Variants in ESRRG observed in about 807,000 individuals in gnomAD.
ESRRG encodes the protein estrogen related receptor gamma.
Under a neutral mutation model 44.0 loss-of-function variants are expected in ESRRG, and 13 were observed. The ratio of observed to expected loss-of-function variants is 0.30; its 90% CI spans 0.19 to 0.47. The LOEUF is 0.47. ESRRG is among the 20% of genes least tolerant of loss of function. The pLI is 1.00. For synonymous variants in ESRRG, 215 were observed against 214.6 expected (o/e 1.00, Z -0.02); for missense variants, 395 against 580.6 (o/e 0.68, Z 3.29).
intron 1 of ESRRG, among the ~76,000 whole-genome samples, chr1:217,118,636 T>C (rs535983851): frequency 2.7e-4 from 41 of 152,158 alleles, no homozygotes; most frequent in Non-Finnish European, 5.0e-4. Context: ...GAAAAATACA[T>C]TTTTTGGCCT....
At chr1:217,031,887 C>A (rs1195380522) in intron 1 of ESRRG, among the ~76,000 whole-genome samples, 1 of 152,186 alleles carries the variant, frequency 6.6e-6, no homozygotes. Flanking sequence ...GCCCCCCAAG[C>A]CCTGTGGAAA....
intron 1 of ESRRG, among the ~76,000 whole-genome samples, chr1:216,693,339 C>A (rs2079454887): frequency 6.6e-6 from 1 of 152,092 alleles, no homozygotes; most frequent in South Asian, 2.1e-4. Flanking sequence ...GCGATGTTGG[C>A]CAGGTTGGTC....
chr1:216,945,283 A>G (rs538001594), intron 1 of ESRRG, among the ~76,000 whole-genome samples: 6 of 152,156 alleles, frequency 3.9e-5, no homozygotes, highest in Non-Finnish European at 8.8e-5. Flanking sequence ...CATTTGCTCA[A>G]TCAGTACCTA....
chr1:216,558,697 G>A (rs867710416), intron 5 of ESRRG, among the ~76,000 whole-genome samples: 1 of 151,858 alleles, frequency 6.6e-6, no homozygotes, highest in African/African-American at 2.4e-5. Context: ...GAGTAATTAA[G>A]TAACTTACAA....
At position 217,075,592 on chromosome 1, in the gene ESRRG, C is replaced by CCG. The variant is rs1553275038; in HGVS notation, c.-106+13914_-106+13915insCG. On this transcript the variant is annotated intron_variant, in intron 1 of 7. Coordinates refer to the ESRRG transcript ENST00000359162. ...CACTCGCTTCAAATTGCTCCTTTCCCCCCCCCAACATTAATTACTAGAGTC... is the reference window on the plus strand; with the variant it reads ...CACTCGCTTCAAATTGCTCCTTTCCCCGCCCCCCAACATTAATTACTAGAGTC... Among the ~76,000 whole-genome samples, 10 of 147,624 alleles carry CCG rather than the reference C, an allele frequency of 6.8e-5. 1 individual carries two copies. The East Asian group carries it at 1.8e-3, about 27-fold the overall frequency.
intron 1 of ESRRG, among the ~76,000 whole-genome samples, chr1:217,031,105 C>T (rs2082000566): frequency 6.6e-6 from 1 of 152,148 alleles, no homozygotes; most frequent in Non-Finnish European, 1.5e-5. Context: ...TTGATATATC[C>T]TGAAAGCTAA....
intron 1 of ESRRG, among the ~76,000 whole-genome samples, chr1:217,028,122 C>T (rs542887064): frequency 3.5e-4 from 53 of 152,274 alleles, no homozygotes; most frequent in African/African-American, 1.2e-3. Flanking sequence ...CCCACCCCAT[C>T]ACCTCCACAG....
intron 1 of ESRRG, among the ~76,000 whole-genome samples, chr1:217,075,486 G>C (rs955580824): frequency 6.6e-6 from 1 of 151,798 alleles, no homozygotes; most frequent in Non-Finnish European, 1.5e-5. Context: ...TTTCAGCTTG[G>C]AGAATCAAGG....
intron 2 of ESRRG, among the ~76,000 whole-genome samples, chr1:216,839,035 C>T (rs978421016): frequency 7.2e-5 from 11 of 152,088 alleles, no homozygotes; most frequent in Admixed American, 2.6e-4. Flanking sequence ...TTATCCTGCA[C>T]GCAGGGTAAA....
At chr1:216,689,292 T>C (rs1248799903) in intron 1 of ESRRG, among the ~76,000 whole-genome samples, 1 of 152,134 alleles carries the variant, frequency 6.6e-6, no homozygotes, top group Non-Finnish European at 1.5e-5. Flanking sequence ...TGAGTTTTGA[T>C]TACACATTTA....
intron 3 of ESRRG, among the ~76,000 whole-genome samples, chr1:216,629,399 G>A (rs1449948636): frequency 6.6e-6 from 1 of 152,102 alleles, no homozygotes; most frequent in Non-Finnish European, 1.5e-5. Context: ...GGTTTATATG[G>A]ATATAAGACA....
At chr1:216,807,739 A>C (rs1285685726) in intron 2 of ESRRG, among the ~76,000 whole-genome samples, 1 of 151,996 alleles carries the variant, frequency 6.6e-6, no homozygotes, top group Admixed American at 6.6e-5. Context: ...CATGAATTGT[A>C]ATTATGGTCT....
chr1:217,127,674 A>G (rs927232368), intron 1 of ESRRG, among the ~76,000 whole-genome samples: 14 of 152,302 alleles, frequency 9.2e-5, no homozygotes, highest in South Asian at 2.1e-4. Context: ...CATCAGCTGT[A>G]TGACCTCGGG....
intron 2 of ESRRG, among the ~76,000 whole-genome samples, chr1:216,859,330 G>A (rs984330646): frequency 1.2e-4 from 18 of 152,156 alleles, no homozygotes; most frequent in Admixed American, 7.2e-4. Flanking sequence ...AATGCAAAAG[G>A]TGAAGTCAGG....
intron 1 of ESRRG, among the ~76,000 whole-genome samples, chr1:216,995,656 C>T (rs181632358): frequency 2.0e-5 from 3 of 152,256 alleles, no homozygotes; most frequent in African/African-American, 7.2e-5. Context: ...TTCTTATAGC[C>T]CTATCATTTC....
intron 2 of ESRRG, among the ~76,000 whole-genome samples, chr1:216,795,127 A>G (rs2094438078): frequency 6.6e-6 from 1 of 152,138 alleles, no homozygotes; most frequent in African/African-American, 2.4e-5. Context: ...TCACTTGACA[A>G]AGACTGCTTA....
At chr1:217,088,585 A>T (rs918586805) in intron 1 of ESRRG, among the ~76,000 whole-genome samples, 1 of 151,838 alleles carries the variant, frequency 6.6e-6, no homozygotes, top group Non-Finnish European at 1.5e-5. Context: ...AAGCAGACCC[A>T]TGTGGCAATT....
intron 1 of ESRRG, among the ~76,000 whole-genome samples, chr1:216,965,324 C>G (rs1363007340): frequency 1.3e-5 from 2 of 152,210 alleles, no homozygotes; most frequent in East Asian, 3.9e-4. Context: ...GGATGCCTAT[C>G]AGCAGCTCCA....
At chr1:216,863,527 A>G (rs2096089986) in intron 2 of ESRRG, 1 of 152,208 alleles carries the variant, frequency 6.6e-6, no homozygotes, top group South Asian at 2.1e-4. Flanking sequence ...GAGCAATTAA[A>G]TATCAAACCA....
Sources: gnomAD v4.1 joint callset for allele counts (sites outside exome capture counted in the v4.1 genomes callset) on GRCh38, gnomAD v4.1.1 for gene constraint, MANE v1.5 for transcripts, NCBI Gene and HGNC (gene_info 2026-07-23, HGNC 2026-07-21) for gene names.